STRN4: variants seen among roughly 807,000 people sequenced by gnomAD.
The protein encoded by STRN4 is striatin-4.
In STRN4, 27 loss-of-function variants were observed where a neutral mutation model predicts 77.9. The ratio of observed to expected loss-of-function variants is 0.35; its 90% CI spans 0.26 to 0.48. STRN4 has a LOEUF of 0.48. STRN4 is among the 20% of genes least tolerant of loss of function. The probability of loss-of-function intolerance (pLI) is 0.99; values close to 1 mark genes in which losing one functional copy is unlikely to be tolerated. For synonymous variants in STRN4, 466 were observed against 443.1 expected (o/e 1.05, Z -0.65); for missense variants, 798 against 1,049.7 (o/e 0.76, Z 3.31).
intron 9 of STRN4, 23 bp downstream of exon 9, chr19:46,727,429 T>A: frequency 6.2e-7 from 1 of 1,603,298 alleles, no homozygotes; most frequent in Non-Finnish European, 8.5e-7. Context: ...GGGGACAGTG[T>A]GGGGGGCACC....
intron 11 of STRN4, 38 bp downstream of exon 11, chr19:46,725,294 A>G (rs766883838): frequency 2.0e-5 from 33 of 1,613,702 alleles, no homozygotes; most frequent in Non-Finnish European, 1.7e-6. Flanking sequence ...GGCTGCATTT[A>G]GGACGAGTTT....
rs1272490498 is a variant in STRN4 at position 46,746,031 on chromosome 19, G to GCCC, written c.282+115_282+117dup. The GCCC allele has an allele frequency of 9.5e-5, 108 of 1,142,648 alleles. 1 individual carries two copies. The African/African-American group carries it at 1.4e-3, about 15-fold the overall frequency. The allele number at this position is 1,142,648 out of a possible 1,614,324, so 70.8% of individuals were successfully genotyped here. A position where few individuals can be genotyped will look rare whatever the true frequency, so the allele number is the denominator to read the frequency against. On this transcript the variant is annotated intron_variant, in intron 1 of 17. Coordinates refer to ENST00000263280, the MANE Select transcript of STRN4 (RefSeq NM_013403.3). ...TCCGGGACCGTCGCGGTCCCCTCCC[G>GCCC]CCCCCCCGCCGGCCGTCCCGGCGGC...
chr19:46,723,075 C>T lies in STRN4; in HGVS notation c.1765+39G>A, dbSNP rs990344379. 35 of 1,560,784 alleles carry T rather than the reference C, an allele frequency of 2.2e-5. No homozygotes were observed. The highest frequency in any genetic ancestry group is 5.4e-5 in the African/African-American group (4 of 73,576). On this transcript the variant is annotated intron_variant, in intron 13 of 17. Coordinates refer to ENST00000263280, the MANE Select transcript of STRN4 (RefSeq NM_013403.3). This position sits in a 1 kb window ranked among gnomAD's most constrained non-coding sequence, Gnocchi z 5.5. ...AACCACTCTGATAGCCTCCAGATCCCGCACAGCTCCAGGGTGAGGCACCGG... is the reference window on the plus strand; with the variant it reads ...AACCACTCTGATAGCCTCCAGATCCTGCACAGCTCCAGGGTGAGGCACCGG...
Position 46,736,803 on chromosome 19 carries a change from C to G in STRN4, c.539+20G>C. Reference sequence around the variant, plus strand: ...CAAACGTGTCACGTGTCCCCAGCCCCCCTCCCCGAGCACACTCACTGTCGG... The same window carrying G: ...CAAACGTGTCACGTGTCCCCAGCCCGCCTCCCCGAGCACACTCACTGTCGG... On this transcript the variant is annotated intron_variant, in intron 4 of 17. Transcript: ENST00000263280. 6.2e-7 allele frequency: 1 copy of G among 1,610,864 alleles called. No homozygotes were observed. The highest frequency in any genetic ancestry group is 1.1e-5 in the South Asian group (1 of 90,638).
chr19:46,728,752 T>A lies in STRN4; in HGVS notation c.905A>T (p.Glu302Val). The A allele has an allele frequency of 6.2e-7, 1 of 1,614,166 alleles. No homozygotes were observed. Among genetic ancestry groups the A allele is most frequent in the Non-Finnish European group, 8.5e-7 (1 of 1,179,990 alleles). The change falls in exon 7 of 18, where the codon GAA becomes GTA. Residue 302 changes from glutamate (E) to valine (V), a missense_variant. Glu to Val is a moderately radical substitution (Grantham distance 121). Around this residue, in one of 2 missense-constraint regions of STRN4, gnomAD observed 511 missense variants for 575.9 expected, o/e 0.89. Coordinates refer to ENST00000263280, the MANE Select transcript of STRN4 (RefSeq NM_013403.3). ...VKLPSKALVP[E>V]MEDEDEEDDS... ...GTCTTCCTCATCCTCGTCTTCCATT[T>A]CGGGCACCAGAGCCTTGGATGGGAG...
intron 7 of STRN4, 52 bp from the exon 8 acceptor site, chr19:46,728,059 T>C: frequency 6.5e-7 from 1 of 1,537,162 alleles, no homozygotes; most frequent in Non-Finnish European, 8.9e-7. Flanking sequence ...CAACCCAGTC[T>C]GGCATAGGTG....
intron 1 of STRN4, 149 bp downstream of exon 1, chr19:46,746,000 T>C: frequency 2.1e-6 from 2 of 973,972 alleles, no homozygotes; most frequent in South Asian, 5.5e-5. Context: ...GGCCCCTCAC[T>C]CGCCCTCCGG....
rs2043700676 is a variant in STRN4 at position 46,722,324 on chromosome 19, G to A, written c.1923C>T (p.Asn641=). 6.2e-7 allele frequency: 1 copy of A among 1,614,148 alleles called. No homozygotes were observed. Among genetic ancestry groups the A allele is most frequent in the South Asian group, 1.1e-5 (1 of 91,082 alleles). The part of the protein sequence containing the change: ...SRGSSGPTQI[N]QVVSHPNQPL... ...GCTGGTTTGGATGACTCACCACTTG[G>A]TTGATCTGGGTTGGACCTGAAGGAA... Residue 641 remains asparagine, a synonymous_variant, in exon 15 of 18, where the codon AAC becomes AAT. Transcript: ENST00000263280.
intron 10 of STRN4, 36 bp from the exon 11 acceptor site, chr19:46,725,415 C>A (rs2054086752): frequency 8.1e-6 from 13 of 1,613,958 alleles, no homozygotes; most frequent in Non-Finnish European, 1.0e-5. Flanking sequence ...GTCACTGAGA[C>A]CCTGTCACCC....
At chr19:46,742,289 T>A (rs1568406958) in intron 1 of STRN4, among the ~76,000 whole-genome samples, 2 of 152,104 alleles carry the variant, frequency 1.3e-5, no homozygotes, top group Non-Finnish European at 2.9e-5. Flanking sequence ...AGGACCTCCC[T>A]GGGGGCTGCC....
rs1422832193 is a variant in STRN4 at position 46,746,212 on chromosome 19, C to A, written c.219G>T (p.Gln73His). 2 of 1,538,788 alleles carry A rather than the reference C, an allele frequency of 1.3e-6. No homozygotes were observed. Among genetic ancestry groups the A allele is most frequent in the East Asian group, 2.7e-5 (1 of 37,538 alleles). Residue 73 changes from glutamine to histidine, a missense_variant, in exon 1 of 18, where the codon CAG (glutamine) becomes CAT (histidine). By Grantham distance (24) the Gln-to-His change is conservative. Transcript: ENST00000263280. ...CGGCTTCGAAGCGCGCCCACTCGTG[C>A]TGGATAAAGTGCAGGATCCCCGGCA... ...LSLPGILHFI[Q>H]HEWARFEAEK...
At chr19:46,724,742 TGTGC>T in intron 12 of STRN4, 61 bp downstream of exon 12, 1 of 1,609,310 alleles carries the variant, frequency 6.2e-7, no homozygotes, top group Non-Finnish European at 8.5e-7. Flanking sequence ...GCGACGTGTG[TGTGC>T]GTGGAGGGGA....
At chr19:46,731,521 A>C (rs2054253989) in intron 5 of STRN4, 2 of 152,734 alleles carry the variant, frequency 1.3e-5, no homozygotes, top group African/African-American at 4.8e-5. Context: ...GATCGACGAA[A>C]ACGTCCCCCC....
rs372220228 is a variant in STRN4, at chr19:46,722,883, G to A, written c.1833C>T (p.Arg611=). Residue 611 remains arginine (R), a synonymous_variant, in exon 14 of 18, where the codon CGC becomes CGT. Coordinates refer to ENST00000263280, the MANE Select transcript of STRN4 (RefSeq NM_013403.3). ...TGTCATACAAGACGGTGTCGCCAGA[G>A]CGGAAGGAGGCCACGATGTGGGCAG... ...TEPAHIVASF[R]SGDTVLYDME... is the part of the protein sequence containing the mutation. 5 of 1,614,024 alleles carry A rather than the reference G, an allele frequency of 3.1e-6. No homozygotes were observed. Among genetic ancestry groups the A allele is most frequent in the Non-Finnish European group, 4.2e-6 (5 of 1,180,034 alleles).
intron 4 of STRN4, among the ~76,000 whole-genome samples, chr19:46,735,058 C>T (rs2054331724): frequency 2.6e-5 from 4 of 152,084 alleles, no homozygotes; most frequent in Admixed American, 2.0e-4. Context: ...GTAATCCCAG[C>T]AGTTTGGGAG....
rs2054614538 is a variant in STRN4, at chr19:46,746,345, G to A, written c.86C>T (p.Thr29Ile). The stretch of plus-strand genomic sequence containing the variant: ...AGGGGCGGAGACCGGGGCCGCCCCA[G>A]TGGGGCCAGGGCCCGCGCCTGAGCC... ...PLGSGAGPGP[T>I]GAAPVSAPAP... is the part of the protein sequence containing the mutation. Residue 29 changes from threonine (T) to isoleucine (I), a missense_variant, in exon 1 of 18, where the codon ACT becomes ATT. Physicochemically the swap from Thr to Ile is moderately conservative, Grantham distance 89. Around this residue, in one of 2 missense-constraint regions of STRN4, gnomAD observed 511 missense variants for 575.9 expected, o/e 0.89. Transcript: ENST00000263280. 4.7e-6 allele frequency: 6 copies of A among 1,269,030 alleles called. No homozygotes were observed. Among genetic ancestry groups the A allele is most frequent in the Non-Finnish European group, 5.9e-6 (6 of 1,012,494 alleles). 78.6% of individuals were successfully genotyped at this position (1,269,030 alleles called of 1,614,324 possible).
intron 8 of STRN4, 149 bp downstream of exon 8, chr19:46,727,741 GAGAC>G (rs779605177): frequency 1.3e-4 from 98 of 778,632 alleles, no homozygotes; most frequent in African/African-American, 4.0e-4. Context: ...AAAAGAGAGG[GAGAC>G]AGACAGACAG....
At position 46,728,676 on chromosome 19, in the gene STRN4, A is replaced by G; in HGVS notation, c.981T>C (p.Asp327=). 1.2e-6 allele frequency: 2 copies of G among 1,613,998 alleles called. No individual in the cohort carries two copies. Among genetic ancestry groups the G allele is most frequent in the South Asian group, 1.1e-5 (1 of 91,078 alleles). Residue 327 remains aspartate (D), a synonymous_variant, in exon 7 of 18, where the codon GAT becomes GAC. Transcript: ENST00000263280. ...NEFDFLGSGE[D]GEGAPDPRRC... Reference sequence around the variant, plus strand: ...GCCGAGGGTCTGGAGCCCCTTCCCCATCCTCTCCTGAGCCCAGGAAATCAA... The same window carrying G: ...GCCGAGGGTCTGGAGCCCCTTCCCCGTCCTCTCCTGAGCCCAGGAAATCAA...
rs552887245 is a variant in STRN4, at chr19:46,734,067, C to T, written c.540-831G>A. On this transcript the variant is annotated intron_variant, in intron 4 of 17. Coordinates refer to ENST00000263280, the MANE Select transcript of STRN4 (RefSeq NM_013403.3). ...GTTAGGCTGCACGCACCTGCATGTA[C>T]GTCTCATCCTGTGCGCCTGTGTGTG... Among the ~76,000 whole-genome samples, 191 of 152,304 alleles carry T rather than the reference C, an allele frequency of 1.3e-3. 1 individual carries two copies. The highest frequency in any genetic ancestry group is 3.4e-3 in the Middle Eastern group (1 of 294).
Sources: gnomAD v4.1 joint callset for allele counts (sites outside exome capture counted in the v4.1 genomes callset) on GRCh38, gnomAD v4.1.1 for gene constraint, gnomAD v4.1.1 regional missense constraint, Gnocchi (gnomAD v3.1) non-coding constraint, MANE v1.5 for transcripts, NCBI Gene and HGNC (gene_info 2026-07-23, HGNC 2026-07-21) for gene names.